ITGAD: variants seen among roughly 807,000 people sequenced by gnomAD.
ITGAD encodes integrin subunit alpha D.
A neutral mutation model predicts 139.0 loss-of-function variants in ITGAD; 105 were observed. The ratio of observed to expected loss-of-function variants is 0.76; its 90% CI spans 0.65 to 0.89. The LOEUF (loss-of-function observed/expected upper bound fraction) is 0.89, where lower values mean the gene tolerates loss of function less well. ITGAD is among the 40% of genes least tolerant of loss of function. ITGAD has a pLI of 0.00. For missense variants in ITGAD, 1,384 were observed against 1,487.3 expected (o/e 0.93, Z 1.14); for synonymous variants, 569 against 598.3 (o/e 0.95, Z 0.71).
chr16:31,403,980 A>T lies in ITGAD; in HGVS notation c.704+335A>T. The T allele has an allele frequency of 3.0e-6, 1 of 338,112 alleles. No homozygotes were observed. The highest frequency in any genetic ancestry group is 5.6e-6 in the Non-Finnish European group (1 of 177,534). 20.9% of individuals were successfully genotyped at this position (338,112 alleles called of 1,614,324 possible). ...CTCCCATCCTGGCTCCCCGTGAGCT[A>T]CTCTGGGTGTAACCCTGGGGTGATG... On this transcript the variant is annotated intron_variant, in intron 7 of 29. Coordinates refer to ENST00000389202, the MANE Select transcript of ITGAD (RefSeq NM_005353.3). This position sits in a 1 kb window ranked among gnomAD's most constrained non-coding sequence, Gnocchi z 4.4.
chr16:31,406,663 C>T (rs919146040), intron 7 of ITGAD, among the ~76,000 whole-genome samples: 1 of 152,146 alleles, frequency 6.6e-6, no homozygotes, highest in Non-Finnish European at 1.5e-5. Flanking sequence ...AATAAGGCAG[C>T]TGGACTTCTC....
At chr16:31,423,685 C>T (rs1456617483) in intron 26 of ITGAD, 37 bp downstream of exon 26, 2 of 1,582,156 alleles carry the variant, frequency 1.3e-6, no homozygotes, top group Non-Finnish European at 1.7e-6. Context: ...CCAAGATCAG[C>T]CCCCACCGGG....
chr16:31,417,304 G>A (rs1171520029), intron 20 of ITGAD, among the ~76,000 whole-genome samples: 2 of 150,154 alleles, frequency 1.3e-5, no homozygotes, highest in Non-Finnish European at 3.0e-5. Context: ...TCAAACTCCT[G>A]GGCTCAAGTA....
chr16:31,411,244 G>A, intron 13 of ITGAD, 28 bp downstream of exon 13: 1 of 1,610,278 alleles, frequency 6.2e-7, no homozygotes, highest in Non-Finnish European at 8.5e-7. Flanking sequence ...CCTAGGCTGG[G>A]TGGGGTCCGG....
In ITGAD at chr16:31,418,612, C is replaced by T. The variant is rs756270165; in HGVS notation, c.2780+48C>T. On this transcript the variant is annotated intron_variant, in intron 23 of 29. Transcript: ENST00000389202. ...CTTGGACCTCTGGCCTTCCTCTATG[C>T]CTGGTACTCCTTCTGAGTCCCAGCC... 4 of 1,360,358 alleles carry T rather than the reference C, an allele frequency of 2.9e-6. No individual in the cohort carries two copies. In the South Asian group the frequency reaches 4.7e-5, roughly 16 times the overall value. The allele number at this position is 1,360,358 out of a possible 1,614,324, so 84.3% of individuals were successfully genotyped here. A position where few individuals can be genotyped will look rare whatever the true frequency, so the allele number is the denominator to read the frequency against.
chr16:31,405,072 T>C (rs1307693169), intron 7 of ITGAD, among the ~76,000 whole-genome samples: 1 of 152,110 alleles, frequency 6.6e-6, no homozygotes, highest in Non-Finnish European at 1.5e-5. Context: ...GGCTGATTTT[T>C]GTATTCCAAG....
chr16:31,417,944 C>A, intron 20 of ITGAD, 131 bp from the exon 21 acceptor site: 1 of 605,280 alleles, frequency 1.7e-6, no homozygotes, highest in Non-Finnish European at 2.6e-6. Flanking sequence ...TGAAATCCGT[C>A]TCAAAAAAAA....
At chr16:31,422,380 T>C (rs1173226456) in intron 23 of ITGAD, among the ~76,000 whole-genome samples, 1 of 152,178 alleles carries the variant, frequency 6.6e-6, no homozygotes, top group Non-Finnish European at 1.5e-5. Context: ...ACCTGCTGCC[T>C]GGAACACTGA....
chr16:31,413,142 TG>T lies in ITGAD; in HGVS notation c.1894del (p.Ala632ProfsTer34), dbSNP rs1173487885. 6.2e-7 allele frequency: 1 copy of T among 1,614,002 alleles called. No homozygotes were observed. Among genetic ancestry groups the T allele is most frequent in the Non-Finnish European group, 8.5e-7 (1 of 1,179,972 alleles). ...GCCATGAGATTCAGCCCTGTGGAGG[TG>T]GCCAAGGCTGTGTACCGGTGCTGGG... ...GVAMRFSPVE[V>X]AKAVYRCWEE... On this transcript the variant is annotated frameshift_variant, in exon 16 of 30. Coordinates refer to ENST00000389202, the MANE Select transcript of ITGAD (RefSeq NM_005353.3). LOFTEE classifies it high-confidence loss of function.
At chr16:31,398,447 A>G (rs1181240012) in intron 5 of ITGAD, among the ~76,000 whole-genome samples, 1 of 151,490 alleles carries the variant, frequency 6.6e-6, no homozygotes, top group Non-Finnish European at 1.5e-5. Context: ...AAAAAAACAA[A>G]AAACAGAGTT....
chr16:31,414,478 A>C lies in ITGAD; in HGVS notation c.2024A>C (p.Asp675Ala). 4 of 1,614,240 alleles carry C rather than the reference A, an allele frequency of 2.5e-6. No homozygotes were observed. The highest frequency in any genetic ancestry group is 3.4e-6 in the Non-Finnish European group (4 of 1,180,050). The change falls in exon 17 of 30, where the codon GAT (aspartate) becomes GCT (alanine). Residue 675 changes from aspartate (D) to alanine (A), a missense_variant. Physicochemically the swap from Asp to Ala is moderately radical, Grantham distance 126. Transcript: ENST00000389202. The stretch of plus-strand genomic sequence containing the variant: ...GACATCCAAAGCTCTGTCAGGTTTG[A>C]TCTGGCACTGGACCCAGGTCGTCTG... ...LGDIQSSVRFDLALDPGRLTS... is the reference protein window; with the variant it reads ...LGDIQSSVRFALALDPGRLTS...
rs1265058239 is a variant in ITGAD at position 31,407,662 on chromosome 16, T to A, written c.852T>A (p.Ala284=). Residue 284 remains alanine, a synonymous_variant, in exon 8 of 30, where the codon GCT becomes GCA. Transcript: ENST00000389202. ...AGAAGGCTGGCATCATCCGCTACGC[T>A]ATCGGGGTGCGCCTCTTCTTCACCC... The part of the protein sequence containing the change: ...QAEKAGIIRY[A]IGVGHAFQGP... 1.2e-6 allele frequency: 2 copies of A among 1,614,018 alleles called. No individual in the cohort carries two copies. Among genetic ancestry groups the A allele is most frequent in the Non-Finnish European group, 1.7e-6 (2 of 1,180,006 alleles).
chr16:31,403,677 G>T lies in ITGAD; in HGVS notation c.704+32G>T. On this transcript the variant is annotated intron_variant, in intron 7 of 29. Coordinates refer to ENST00000389202, the MANE Select transcript of ITGAD (RefSeq NM_005353.3). The surrounding 1 kb of genome is among the most constrained non-coding windows in gnomAD (Gnocchi z 4.4). ...AACCCCGACCCCAGCCTGGCGATGTGACTGCCACCCCCACTTCCTAACCCT... is the reference window on the plus strand; with the variant it reads ...AACCCCGACCCCAGCCTGGCGATGTTACTGCCACCCCCACTTCCTAACCCT... 1 of 1,613,326 alleles carries T rather than the reference G, an allele frequency of 6.2e-7. No homozygotes were observed. Among genetic ancestry groups the T allele is most frequent in the South Asian group, 1.1e-5 (1 of 90,998 alleles).
chr16:31,395,604 G>A (rs2081246421), intron 2 of ITGAD, among the ~76,000 whole-genome samples: 1 of 152,104 alleles, frequency 6.6e-6, no homozygotes, highest in South Asian at 2.1e-4. Context: ...AAAGGTAAGA[G>A]CCCCCCAACC....
intron 18 of ITGAD, among the ~76,000 whole-genome samples, chr16:31,415,397 T>C (rs1435462690): frequency 6.6e-6 from 1 of 152,230 alleles, no homozygotes; most frequent in Non-Finnish European, 1.5e-5. Flanking sequence ...TTCCCTCTGA[T>C]GTCCTCTCTG....
rs1433043213 is a variant in ITGAD, at chr16:31,394,273, G to A, written c.69G>A (p.Glu23=). 3.1e-6 allele frequency: 5 copies of A among 1,613,972 alleles called. No homozygotes were observed. In the South Asian group the frequency reaches 3.3e-5, roughly 11 times the overall value. ...ATCATGGATTCAACCTGGATGTGGA[G>A]GAGCCTACGATCTTCCAGGAGGATG... ...ASYHGFNLDV[E]EPTIFQEDAG... is the part of the protein sequence containing the mutation. The change falls in exon 2 of 30, where the codon GAG becomes GAA. Residue 23 remains glutamate (E), a synonymous_variant. Transcript: ENST00000389202.
intron 29 of ITGAD, chr16:31,424,845 C>T (rs2142864403): frequency 7.4e-6 from 2 of 269,570 alleles, no homozygotes; most frequent in East Asian, 9.1e-5. Flanking sequence ...GTGATCCGCC[C>T]ACCTTGGCCT....
chr16:31,420,694 C>T (rs1364215361), intron 23 of ITGAD, among the ~76,000 whole-genome samples: 1 of 152,196 alleles, frequency 6.6e-6, no homozygotes, highest in Non-Finnish European at 1.5e-5. Context: ...CCTGCCTCAG[C>T]CTCTCGAGTA....
At chr16:31,419,803 G>C (rs189437196) in intron 23 of ITGAD, among the ~76,000 whole-genome samples, 3 of 130,298 alleles carry the variant, frequency 2.3e-5, no homozygotes, top group Middle Eastern at 4.5e-3. Context: ...ACAGATTAAG[G>C]CTCTGTCTCA....
Sources: gnomAD v4.1 joint callset for allele counts (sites outside exome capture counted in the v4.1 genomes callset) on GRCh38, gnomAD v4.1.1 for gene constraint, Gnocchi (gnomAD v3.1) non-coding constraint, MANE v1.5 for transcripts, NCBI Gene and HGNC (gene_info 2026-07-23, HGNC 2026-07-21) for gene names.